The following RSPO3 variants were observed in gnomAD, a reference collection of about 807,000 sequenced individuals.
The protein encoded by RSPO3 is R-spondin-3.
In RSPO3, 17 loss-of-function variants were observed where a neutral mutation model predicts 36.5. That is an observed-to-expected ratio of 0.47 (90% CI 0.32 to 0.70). The LOEUF is 0.70. Ranked by LOEUF, RSPO3 falls within the 30% of genes least tolerant of loss-of-function variation. RSPO3 has a pLI of 0.04. For synonymous variants in RSPO3, 108 were observed against 107.0 expected (o/e 1.01, Z -0.06); for missense variants, 294 against 322.5 (o/e 0.91, Z 0.68).
chr6:127,184,618 T>G (rs1775254054), intron 4 of RSPO3, among the ~76,000 whole-genome samples: 1 of 152,048 alleles, frequency 6.6e-6, no homozygotes, highest in African/African-American at 2.4e-5. Context: ...CATATTCTAT[T>G]TTCCTCAGGA....
chr6:127,158,867 T>C (rs985784417), intron 4 of RSPO3, among the ~76,000 whole-genome samples: 1 of 152,114 alleles, frequency 6.6e-6, no homozygotes, highest in Non-Finnish European at 1.5e-5. Context: ...CTAACTTTAG[T>C]AAGAGGTCAT....
At chr6:127,134,027 C>T (rs772885076) in intron 1 of RSPO3, among the ~76,000 whole-genome samples, 18 of 152,054 alleles carry the variant, frequency 1.2e-4, no homozygotes, top group Non-Finnish European at 1.3e-4. Flanking sequence ...GTTTAAATAG[C>T]GTTGGAAATT....
chr6:127,135,604 A>C (rs112439430), intron 1 of RSPO3, among the ~76,000 whole-genome samples: 1,614 of 151,990 alleles, frequency 0.011, 10 homozygotes, highest in Non-Finnish European at 0.016. Context: ...TGATTGTAGC[A>C]TCTTCATGGC....
At chr6:127,180,046 G>A (rs899170388) in intron 4 of RSPO3, among the ~76,000 whole-genome samples, 1 of 151,818 alleles carries the variant, frequency 6.6e-6, no homozygotes, top group African/African-American at 2.4e-5. Context: ...GACTCCTTTG[G>A]AAGTTCATAA....
chr6:127,146,822 T>C (rs1435078350), intron 1 of RSPO3, among the ~76,000 whole-genome samples: 7 of 152,272 alleles, frequency 4.6e-5, no homozygotes, highest in African/African-American at 1.7e-4. Context: ...CTCTCGCTTC[T>C]TGAAATGGAT....
intron 1 of RSPO3, among the ~76,000 whole-genome samples, chr6:127,125,505 G>C (rs1194114243): frequency 6.6e-6 from 1 of 152,128 alleles, no homozygotes; most frequent in Non-Finnish European, 1.5e-5. Context: ...CAAAAACTTA[G>C]ATCTAGTGAT....
At chr6:127,156,694 A>T (rs1220427414) in intron 4 of RSPO3, among the ~76,000 whole-genome samples, 1 of 152,120 alleles carries the variant, frequency 6.6e-6, no homozygotes, top group Non-Finnish European at 1.5e-5. Flanking sequence ...TTCACAACTG[A>T]ATGGGGTACT....
intron 1 of RSPO3, 78 bp downstream of exon 1, chr6:127,119,367 G>A (rs1773787238): frequency 1.3e-5 from 13 of 1,012,798 alleles, no homozygotes; most frequent in Non-Finnish European, 1.9e-5. Flanking sequence ...TCCGGAGCCG[G>A]CTCCCAACTG....
intron 4 of RSPO3, among the ~76,000 whole-genome samples, chr6:127,173,236 A>C (rs1416159223): frequency 6.6e-6 from 1 of 151,876 alleles, no homozygotes; most frequent in African/African-American, 2.4e-5. Flanking sequence ...CAAATTGGCC[A>C]GTGATTTCCC....
chr6:127,148,748 A>T lies in RSPO3; in HGVS notation c.198A>T (p.Glu66Asp). The part of the protein sequence containing the change: ...SCKPRLFFAL[E>D]RIGMKQIGVC... ...AGCCCAGACTATTTTTTGCTCTGGAAAGAATTGGCATGAAGCAGATTGGAG... is the reference window on the plus strand; with the variant it reads ...AGCCCAGACTATTTTTTGCTCTGGATAGAATTGGCATGAAGCAGATTGGAG... Residue 66 changes from glutamate (E) to aspartate (D), a missense_variant, in exon 2 of 5, where the codon GAA becomes GAT. Glu to Asp is a conservative substitution (Grantham distance 45, BLOSUM62 2). This residue lies in a region of RSPO3 where 43 missense variants were observed against 86.0 expected (regional missense o/e 0.50). Transcript: ENST00000356698. The T allele has an allele frequency of 6.2e-7, 1 of 1,613,226 alleles. No homozygotes were observed. The highest frequency in any genetic ancestry group is 8.5e-7 in the Non-Finnish European group (1 of 1,179,400).
At chr6:127,122,933 C>T (rs1007924315) in intron 1 of RSPO3, among the ~76,000 whole-genome samples, 4 of 151,586 alleles carry the variant, frequency 2.6e-5, no homozygotes, top group African/African-American at 7.3e-5. Context: ...TCTAGTAGCT[C>T]GGTTTTAATT....
intron 1 of RSPO3, among the ~76,000 whole-genome samples, chr6:127,128,873 C>T (rs182685720): frequency 5.8e-4 from 88 of 152,092 alleles, no homozygotes; most frequent in African/African-American, 2.0e-3. Context: ...GAGGTACAAA[C>T]CATGGGGGAG....
At chr6:127,173,097 A>G (rs757775211) in intron 4 of RSPO3, among the ~76,000 whole-genome samples, 5 of 151,838 alleles carry the variant, frequency 3.3e-5, no homozygotes, top group Non-Finnish European at 7.4e-5. Context: ...CTTAGCATCA[A>G]CCATTATTTC....
At chr6:127,122,420 A>G (rs1342937441) in intron 1 of RSPO3, among the ~76,000 whole-genome samples, 1 of 152,232 alleles carries the variant, frequency 6.6e-6, no homozygotes, top group Non-Finnish European at 1.5e-5. Context: ...TGATAGCCAC[A>G]GAATCTTAGT....
chr6:127,142,431 C>T (rs1407738801), intron 1 of RSPO3, among the ~76,000 whole-genome samples: 1 of 152,076 alleles, frequency 6.6e-6, no homozygotes, highest in Non-Finnish European at 1.5e-5. Context: ...TCGTTGCCAC[C>T]AGAGGAATCG....
intron 1 of RSPO3, among the ~76,000 whole-genome samples, chr6:127,122,376 A>C (rs887191908): frequency 1.3e-5 from 2 of 152,284 alleles, no homozygotes; most frequent in African/African-American, 4.8e-5. Flanking sequence ...ATTGTGTGCT[A>C]ATAACATTAA....
chr6:127,159,544 G>A lies in RSPO3; in HGVS notation c.634+4106G>A, dbSNP rs867151079. Reference sequence around the variant, plus strand: ...CAAATGTGGGAATCATTGTATTACTGTACTATTTGAGTATACTGTAGGTTG... The same window carrying A: ...CAAATGTGGGAATCATTGTATTACTATACTATTTGAGTATACTGTAGGTTG... On this transcript the variant is annotated intron_variant, in intron 4 of 4. Coordinates refer to ENST00000356698, the MANE Select transcript of RSPO3 (RefSeq NM_032784.5). Among the ~76,000 whole-genome samples the A allele has an allele frequency of 2.6e-5, 4 of 151,400 alleles. No homozygotes were observed. The South Asian group carries it at 6.3e-4, about 24-fold the overall frequency.
chr6:127,148,724 G>T lies in RSPO3; in HGVS notation c.174G>T (p.Lys58Asn). ...CSDYNGCLSC[K>N]PRLFFALERI... ...ATTACAATGGATGTTTGTCATGTAA[G>T]CCCAGACTATTTTTTGCTCTGGAAA... The change falls in exon 2 of 5, where the codon AAG becomes AAT. Residue 58 changes from lysine to asparagine, a missense_variant. Physicochemically the swap from Lys to Asn is moderately conservative, Grantham distance 94. Coordinates refer to ENST00000356698, the MANE Select transcript of RSPO3 (RefSeq NM_032784.5). The T allele has an allele frequency of 6.2e-7, 1 of 1,613,252 alleles. No homozygotes were observed. Among genetic ancestry groups the T allele is most frequent in the Non-Finnish European group, 8.5e-7 (1 of 1,179,444 alleles).
chr6:127,167,674 A>G (rs1046714498), intron 4 of RSPO3, among the ~76,000 whole-genome samples: 12 of 151,974 alleles, frequency 7.9e-5, no homozygotes, highest in African/African-American at 2.9e-4. Context: ...GGTTTGTTAC[A>G]TATGTATACA....
Sources: gnomAD v4.1 joint callset for allele counts (sites outside exome capture counted in the v4.1 genomes callset) on GRCh38, gnomAD v4.1.1 for gene constraint, gnomAD v4.1.1 regional missense constraint, MANE v1.5 for transcripts, NCBI Gene and HGNC (gene_info 2026-07-23, HGNC 2026-07-21) for gene names.